The following SHROOM3 variants were observed in gnomAD, a reference collection of about 807,000 sequenced individuals.
SHROOM3 encodes shroom family member 3, also known as protein Shroom3.
In SHROOM3, 47 loss-of-function variants were observed where a neutral mutation model predicts 138.6. The ratio of observed to expected loss-of-function variants is 0.34; its 90% CI spans 0.27 to 0.43. The LOEUF is 0.43. Ranked by LOEUF, SHROOM3 falls within the 20% of genes least tolerant of loss-of-function variation. The pLI is 1.00. For synonymous variants in SHROOM3, 1,062 were observed against 1,063.3 expected, an observed-to-expected ratio of 1.00 and a Z score of 0.02; for missense variants, 2,491 against 2,596.5, an observed-to-expected ratio of 0.96 and a Z score of 0.88.
intron 1 of SHROOM3, among the ~76,000 whole-genome samples, chr4:76,471,736 A>G (rs891892839): frequency 2.0e-5 from 3 of 152,186 alleles, no homozygotes; most frequent in African/African-American, 7.2e-5. Context: ...TACCTTAAAC[A>G]CCATTTTTTG....
At chr4:76,775,532 G>C (rs1041804505) in intron 10 of SHROOM3, among the ~76,000 whole-genome samples, 1 of 151,988 alleles carries the variant, frequency 6.6e-6, no homozygotes, top group Non-Finnish European at 1.5e-5. Flanking sequence ...TGATCCAGCA[G>C]TCCCACTACT....
intron 2 of SHROOM3, among the ~76,000 whole-genome samples, chr4:76,659,399 A>C (rs1378373781): frequency 6.6e-6 from 1 of 152,200 alleles, no homozygotes; most frequent in Non-Finnish European, 1.5e-5. Context: ...CCTTTGGAAA[A>C]AGTACAGCCC....
At chr4:76,734,335 G>T (rs879411746) in intron 4 of SHROOM3, among the ~76,000 whole-genome samples, 36 of 152,102 alleles carry the variant, frequency 2.4e-4, no homozygotes, top group Admixed American at 5.2e-4. Context: ...TGGTTTGGGA[G>T]AACAATAGTT....
chr4:76,639,624 C>G, intron 2 of SHROOM3: 1 of 396,900 alleles, frequency 2.5e-6, no homozygotes, highest in Admixed American at 4.4e-5. Flanking sequence ...ACCCAAAACT[C>G]AAGAAGACAA....
chr4:76,525,049 G>A (rs1373592330), intron 1 of SHROOM3, among the ~76,000 whole-genome samples: 2 of 152,128 alleles, frequency 1.3e-5, no homozygotes, highest in Non-Finnish European at 2.9e-5. Flanking sequence ...ATTCCCACCA[G>A]CAATGTATGA....
At chr4:76,608,168 T>C (rs1402872741) in intron 2 of SHROOM3, among the ~76,000 whole-genome samples, 1 of 152,138 alleles carries the variant, frequency 6.6e-6, no homozygotes, top group East Asian at 1.9e-4. Context: ...ATTGAGGAAA[T>C]GTCCAAGCAT....
In SHROOM3 at chr4:76,493,349, A is replaced by G. The variant is rs534894627; in HGVS notation, c.168+57129A>G. Among the ~76,000 whole-genome samples the G allele has an allele frequency of 3.2e-4, 48 of 151,952 alleles. 1 individual carries two copies. In the South Asian group the frequency reaches 9.6e-3, roughly 30 times the overall value. Reference sequence around the variant, plus strand: ...GTATATTTATACTAAAACATTATTCATTGTCTAGTTGAAATTTGAATTTAG... The same window carrying G: ...GTATATTTATACTAAAACATTATTCGTTGTCTAGTTGAAATTTGAATTTAG... On this transcript the variant is annotated intron_variant, in intron 1 of 10. Coordinates refer to ENST00000296043, the MANE Select transcript of SHROOM3 (RefSeq NM_020859.4).
chr4:76,527,898 A>G (rs1193985622), intron 1 of SHROOM3, among the ~76,000 whole-genome samples: 1 of 152,168 alleles, frequency 6.6e-6, no homozygotes, highest in East Asian at 1.9e-4. Context: ...TCCTGAACCA[A>G]TCCCCACAGC....
At chr4:76,564,740 G>A (rs1733665136) in intron 2 of SHROOM3, among the ~76,000 whole-genome samples, 1 of 152,212 alleles carries the variant, frequency 6.6e-6, no homozygotes. Flanking sequence ...TGTTCCTAGT[G>A]AAGGAGGTTT....
intron 2 of SHROOM3, among the ~76,000 whole-genome samples, chr4:76,624,639 G>A (rs1273383707): frequency 6.6e-6 from 1 of 152,122 alleles, no homozygotes; most frequent in Non-Finnish European, 1.5e-5. Flanking sequence ...AGTGGTTATC[G>A]TGGTGTTTTT....
rs1315643066 is a variant in SHROOM3, at chr4:76,749,308, C to T, written c.3827+218C>T. On this transcript the variant is annotated intron_variant, in intron 6 of 10. Coordinates refer to ENST00000296043, the MANE Select transcript of SHROOM3 (RefSeq NM_020859.4). ...CGTGCAGGTTTGTTACATATGTATA[C>T]ATGTGCCATGTTGGTGTGCTGCACC... Among the ~76,000 whole-genome samples the T allele has an allele frequency of 2.6e-5, 4 of 152,124 alleles. No homozygotes were observed. The South Asian group carries it at 6.2e-4, about 24-fold the overall frequency.
intron 2 of SHROOM3, among the ~76,000 whole-genome samples, chr4:76,605,992 T>C (rs1487428603): frequency 1.1e-3 from 104 of 94,174 alleles, no homozygotes; most frequent in Non-Finnish European, 1.6e-3. Context: ...CACACACACA[T>C]ATATATATAT....
At chr4:76,562,013 A>G (rs1733608839) in intron 2 of SHROOM3, among the ~76,000 whole-genome samples, 1 of 152,190 alleles carries the variant, frequency 6.6e-6, no homozygotes, top group Non-Finnish European at 1.5e-5. Context: ...CTCTGTCTCA[A>G]AAAACAAAAC....
intron 1 of SHROOM3, among the ~76,000 whole-genome samples, chr4:76,441,786 G>A (rs914652678): frequency 5.5e-4 from 84 of 152,000 alleles, no homozygotes; most frequent in African/African-American, 1.9e-3. Flanking sequence ...GCAATGGCAC[G>A]ATCTCGGCTC....
chr4:76,595,759 T>C (rs1462278155), intron 2 of SHROOM3, among the ~76,000 whole-genome samples: 2 of 152,190 alleles, frequency 1.3e-5, no homozygotes, highest in African/African-American at 2.4e-5. Context: ...TATCTGATCC[T>C]GCAATGGAAT....
At chr4:76,447,108 C>T (rs149892136) in intron 1 of SHROOM3, among the ~76,000 whole-genome samples, 32 of 152,304 alleles carry the variant, frequency 2.1e-4, no homozygotes, top group African/African-American at 7.5e-4. Flanking sequence ...TCATCTCTCA[C>T]TCATTCTTGG....
chr4:76,449,748 T>C (rs1486456401), intron 1 of SHROOM3, among the ~76,000 whole-genome samples: 2 of 152,240 alleles, frequency 1.3e-5, no homozygotes, highest in Non-Finnish European at 2.9e-5. Context: ...ATGTTGTCAG[T>C]TATATGAAAT....
intron 9 of SHROOM3, among the ~76,000 whole-genome samples, chr4:76,767,128 T>C (rs1455093588): frequency 6.6e-6 from 1 of 152,182 alleles, no homozygotes; most frequent in Non-Finnish European, 1.5e-5. Flanking sequence ...TGGTTGTGTT[T>C]GAAGCCCGAT....
At chr4:76,499,791 C>T (rs1053223547) in intron 1 of SHROOM3, among the ~76,000 whole-genome samples, 9 of 152,144 alleles carry the variant, frequency 5.9e-5, no homozygotes, top group Admixed American at 3.9e-4. Context: ...TCTAGAAAAA[C>T]AGATTGAGGG....
Sources: allele counts gnomAD v4.1 joint callset (sites outside exome capture counted in the v4.1 genomes callset), GRCh38; gene constraint gnomAD v4.1.1; transcripts MANE v1.5; gene names NCBI Gene and HGNC (gene_info 2026-07-23, HGNC 2026-07-21).